Variants in TMPRSS11B observed in about 807,000 individuals in gnomAD.
TMPRSS11B encodes transmembrane serine protease 11B, also known as transmembrane protease serine 11B.
Under a neutral mutation model 44.7 loss-of-function variants are expected in TMPRSS11B, and 53 were observed. That is an observed-to-expected ratio of 1.19 (90% CI 0.95 to 1.49). The LOEUF (loss-of-function observed/expected upper bound fraction) is 1.49. Ranked by LOEUF, TMPRSS11B falls within the 40% of genes most tolerant of loss-of-function variation. The probability of loss-of-function intolerance (pLI) is 0.00; values close to 1 mark genes in which losing one functional copy is unlikely to be tolerated. For synonymous variants in TMPRSS11B, 140 were observed against 159.2 expected (o/e 0.88, Z 0.91); for missense variants, 526 against 494.8 (o/e 1.06, Z -0.60).
chr4:68,241,688 C>T lies in TMPRSS11B; in HGVS notation c.124+1G>A. Reference sequence around the variant, plus strand: ...GAAAACTGAAAATAATCAGTACTCACCAACTGCCAGAAAATGAACAAGAAG... The same window carrying T: ...GAAAACTGAAAATAATCAGTACTCATCAACTGCCAGAAAATGAACAAGAAG... On this transcript the variant is annotated splice_donor_variant, in intron 2 of 9. Coordinates refer to ENST00000332644, the MANE Select transcript of TMPRSS11B (RefSeq NM_182502.3). LOFTEE classifies it high-confidence loss of function. 6.3e-7 allele frequency: 1 copy of T among 1,595,816 alleles called. No homozygotes were observed. The highest frequency in any genetic ancestry group is 8.6e-7 in the Non-Finnish European group (1 of 1,164,038).
chr4:68,242,382 A>G (rs1325905935), intron 1 of TMPRSS11B, among the ~76,000 whole-genome samples: 3 of 70,156 alleles, frequency 4.3e-5, no homozygotes, highest in East Asian at 7.6e-4. Flanking sequence ...TATTATATAT[A>G]TAATATATAA....
At chr4:68,244,943 C>CATTA (rs1464099199) in intron 1 of TMPRSS11B, among the ~76,000 whole-genome samples, 1 of 152,028 alleles carries the variant, frequency 6.6e-6, no homozygotes, top group Non-Finnish European at 1.5e-5. Flanking sequence ...AACTTTAAAT[C>CATTA]ATTAGGGTGA....
At chr4:68,244,007 G>A (rs1719935284) in intron 1 of TMPRSS11B, among the ~76,000 whole-genome samples, 1 of 152,102 alleles carries the variant, frequency 6.6e-6, no homozygotes, top group African/African-American at 2.4e-5. Context: ...ATCTAAAAGA[G>A]TACAGTAAGT....
Position 68,234,557 on chromosome 4 carries a change from A to G in TMPRSS11B, c.375T>C (p.Val125=). 6.2e-7 allele frequency: 1 copy of G among 1,613,964 alleles called. No homozygotes were observed. Among genetic ancestry groups the G allele is most frequent in the South Asian group, 1.1e-5 (1 of 91,076 alleles). The change falls in exon 5 of 10, where the codon GTT becomes GTC. Residue 125 remains valine (V), a synonymous_variant. Transcript: ENST00000332644. ...TAGCCTTGATTTTAGTCCTCATGCT[A>G]ACTCCTTCTGCTGGAGGAAACTTGA... is the stretch of plus-strand genomic sequence containing the variant. ...LKFKFPPAEG[V]SMRTKIKAKL...
At chr4:68,241,653 T>G (rs374246975) in intron 2 of TMPRSS11B, 36 bp downstream of exon 2, 2 of 1,294,538 alleles carry the variant, frequency 1.5e-6, no homozygotes, top group Admixed American at 3.8e-5. Context: ...TAAAGATTTA[T>G]AGCAAGGATG....
At chr4:68,230,182 T>A (rs1255454328) in intron 7 of TMPRSS11B, among the ~76,000 whole-genome samples, 2 of 152,162 alleles carry the variant, frequency 1.3e-5, no homozygotes, top group South Asian at 2.1e-4. Flanking sequence ...GGCATCTAGG[T>A]TGATTTCATG....
In TMPRSS11B at chr4:68,227,871, T is replaced by C. The variant is rs373877350; in HGVS notation, c.*40A>G. ...CCCAAAGCCACAGATAAGGATAGCC[T>C]ACAGTGGTCTTTATGTTCCTTTGTA... On this transcript the variant is annotated 3_prime_UTR_variant, in exon 10 of 10. Coordinates refer to ENST00000332644, the MANE Select transcript of TMPRSS11B (RefSeq NM_182502.3). 75 of 1,523,788 alleles carry C rather than the reference T, an allele frequency of 4.9e-5. No homozygotes were observed. The highest frequency in any genetic ancestry group is 6.4e-5 in the Non-Finnish European group (73 of 1,137,452). The allele number at this position is 1,523,788 out of a possible 1,614,324, so 94.4% of individuals were successfully genotyped here. A position where few individuals can be genotyped will look rare whatever the true frequency, so the allele number is the denominator to read the frequency against.
chr4:68,243,591 G>GA (rs1240004788), intron 1 of TMPRSS11B, among the ~76,000 whole-genome samples: 2 of 151,962 alleles, frequency 1.3e-5, no homozygotes, highest in African/African-American at 2.4e-5. Flanking sequence ...CAGCCTCACA[G>GA]AAAAAAGTCT....
In TMPRSS11B at chr4:68,241,777, C is replaced by T; in HGVS notation, c.36G>A (p.Trp12Ter). 6.2e-7 allele frequency: 1 copy of T among 1,612,784 alleles called. No homozygotes were observed. The highest frequency in any genetic ancestry group is 8.5e-7 in the Non-Finnish European group (1 of 1,179,274). Residue 12 changes from tryptophan (W) to a stop codon, truncating the protein, a stop_gained, in exon 2 of 10, where the codon TGG becomes TGA. Transcript: ENST00000332644. LOFTEE classifies it high-confidence loss of function. The stretch of plus-strand genomic sequence containing the variant: ...AAATAAAGATCGTAGTCCATAGTGG[C>T]CAAGATCTTTGGGAAGATATGCCGT... ...YRHGISSQRS[W>*]PLWTTIFIFL...
rs1432539378 is a variant in TMPRSS11B, at chr4:68,227,252, C to T, written c.*659G>A. On this transcript the variant is annotated 3_prime_UTR_variant, in exon 10 of 10. Coordinates refer to ENST00000332644, the MANE Select transcript of TMPRSS11B (RefSeq NM_182502.3). The stretch of plus-strand genomic sequence containing the variant: ...AAAAAGTAACTCATTTGATAAATCC[C>T]CTATATATGTTCTCATAGTTTCAAA... 1.3e-5 allele frequency: 2 copies of T among 151,720 alleles called. No homozygotes were observed. The highest frequency in any genetic ancestry group is 6.6e-5 in the Admixed American group (1 of 15,228). 9.4% of individuals were successfully genotyped at this position (151,720 alleles called of 1,614,324 possible).
chr4:68,242,220 T>TAATATATA (rs1241544951), intron 1 of TMPRSS11B, among the ~76,000 whole-genome samples: 1 of 6,094 alleles, frequency 1.6e-4, no homozygotes, highest in African/African-American at 3.2e-4. Flanking sequence ...ATATATAATA[T>TAATATATA]TATATTATAT....
chr4:68,239,251 C>T (rs1051191984), intron 2 of TMPRSS11B, among the ~76,000 whole-genome samples: 2 of 148,980 alleles, frequency 1.3e-5, no homozygotes, highest in African/African-American at 5.0e-5. Context: ...ATCTCTCTTG[C>T]GCGCTCTCTC....
At chr4:68,240,407 T>G (rs2109963600) in intron 2 of TMPRSS11B, among the ~76,000 whole-genome samples, 1 of 152,274 alleles carries the variant, frequency 6.6e-6, no homozygotes, top group Non-Finnish European at 1.5e-5. Flanking sequence ...CTATCTGAAA[T>G]AGTAGGTGGT....
At chr4:68,240,589 G>A (rs970512091) in intron 2 of TMPRSS11B, among the ~76,000 whole-genome samples, 2 of 152,098 alleles carry the variant, frequency 1.3e-5, no homozygotes, top group African/African-American at 2.4e-5. Flanking sequence ...TTTTTCACAA[G>A]GGCTTGATTT....
chr4:68,235,767 A>G (rs961978430), intron 4 of TMPRSS11B, among the ~76,000 whole-genome samples: 1 of 151,964 alleles, frequency 6.6e-6, no homozygotes, highest in African/African-American at 2.4e-5. Flanking sequence ...GTATATAATG[A>G]CTCTTGCCCA....
intron 2 of TMPRSS11B, among the ~76,000 whole-genome samples, chr4:68,239,642 C>A (rs551882357): frequency 6.6e-6 from 1 of 152,228 alleles, no homozygotes; most frequent in Non-Finnish European, 1.5e-5. Context: ...GTAAACTGCC[C>A]TCCATTTCAA....
intron 2 of TMPRSS11B, among the ~76,000 whole-genome samples, chr4:68,240,693 C>T (rs577165770): frequency 6.6e-5 from 10 of 152,072 alleles, no homozygotes; most frequent in Admixed American, 3.9e-4. Context: ...AGATTATGAA[C>T]ATTTCATGGA....
intron 5 of TMPRSS11B, among the ~76,000 whole-genome samples, chr4:68,233,806 T>G (rs1719585117): frequency 6.6e-6 from 1 of 152,100 alleles, no homozygotes; most frequent in Non-Finnish European, 1.5e-5. Flanking sequence ...TGCAGTCTCC[T>G]TACTGAAAGA....
chr4:68,229,007 T>C (rs989052169), intron 8 of TMPRSS11B, 123 bp from the exon 9 acceptor site: 2 of 1,108,108 alleles, frequency 1.8e-6, no homozygotes, highest in Admixed American at 5.6e-5. Flanking sequence ...CAGGTTAGAT[T>C]AGTCTCTTTC....
Sources: allele counts gnomAD v4.1 joint callset (sites outside exome capture counted in the v4.1 genomes callset), GRCh38; gene constraint gnomAD v4.1.1; transcripts MANE v1.5; gene names NCBI Gene and HGNC (gene_info 2026-07-23, HGNC 2026-07-21).